Variants in CCDC39 observed in about 807,000 individuals in gnomAD.
CCDC39 encodes the protein coiled-coil domain 39 molecular ruler complex subunit.
Under a neutral mutation model 121.0 loss-of-function variants are expected in CCDC39, and 113 were observed. The ratio of observed to expected loss-of-function variants is 0.93; its 90% CI spans 0.80 to 1.09. CCDC39 has a LOEUF of 1.09. CCDC39 is among the 50% of genes least tolerant of loss of function. The pLI is 0.00. For synonymous variants in CCDC39, 349 were observed against 352.2 expected, an observed-to-expected ratio of 0.99 and a Z score of 0.10; for missense variants, 1,063 against 1,074.7, an observed-to-expected ratio of 0.99 and a Z score of 0.15.
intron 1 of CCDC39, among the ~76,000 whole-genome samples, chr3:180,667,263 C>T (rs1349966055): frequency 6.6e-6 from 1 of 152,106 alleles, no homozygotes; most frequent in Admixed American, 6.6e-5. Context: ...AAACAGTCTT[C>T]TTATGGAGAC....
intron 13 of CCDC39, among the ~76,000 whole-genome samples, chr3:180,640,070 A>G (rs768126680): frequency 6.6e-6 from 1 of 152,138 alleles, no homozygotes; most frequent in African/African-American, 2.4e-5. Flanking sequence ...ACATGGGGGA[A>G]GGACCGAAGG....
intron 14 of CCDC39, among the ~76,000 whole-genome samples, chr3:180,626,082 G>A (rs1445573584): frequency 6.6e-6 from 1 of 152,012 alleles, no homozygotes; most frequent in African/African-American, 2.4e-5. Context: ...GCAACTCACT[G>A]GAACCCAGAA....
At chr3:180,677,166 TTTTATATATATATATA>T (rs1426580370) in intron 1 of CCDC39, among the ~76,000 whole-genome samples, 13 of 40,918 alleles carry the variant, frequency 3.2e-4, no homozygotes, top group African/African-American at 1.5e-3. Flanking sequence ...ATAATAATAA[TTTTATATATATATATA>T]TATATATATA....
intron 11 of CCDC39, among the ~76,000 whole-genome samples, chr3:180,646,519 G>A (rs1198596070): frequency 6.6e-6 from 1 of 152,040 alleles, no homozygotes; most frequent in Non-Finnish European, 1.5e-5. Flanking sequence ...AGATGAAGAC[G>A]TTCTAACCTT....
At chr3:180,677,859 C>T (rs1245592252) in intron 1 of CCDC39, among the ~76,000 whole-genome samples, 1 of 152,112 alleles carries the variant, frequency 6.6e-6, no homozygotes, top group Non-Finnish European at 1.5e-5. Flanking sequence ...TCATACCCTT[C>T]TATTCTGTTT....
rs1389546787 is a variant in CCDC39 at position 180,660,624 on chromosome 3, A to G, written c.462T>C (p.Asp154=). Residue 154 remains aspartate, a synonymous_variant, in exon 4 of 20, where the codon GAT becomes GAC. Transcript: ENST00000476379. ...ACTTCTGGAGAGTGAGAGCATCACTATCTTTATGAGCTGATTCTTCTAACC... is the reference window on the plus strand; with the variant it reads ...ACTTCTGGAGAGTGAGAGCATCACTGTCTTTATGAGCTGATTCTTCTAACC... ...EAWLEESAHK[D]SDALTLQKYA... 4 of 1,602,292 alleles carry G rather than the reference A, an allele frequency of 2.5e-6. No homozygotes were observed. Among genetic ancestry groups the G allele is most frequent in the Admixed American group, 1.7e-5 (1 of 58,566 alleles).
intron 14 of CCDC39, among the ~76,000 whole-genome samples, chr3:180,621,165 A>G (rs1225897708): frequency 2.0e-5 from 3 of 152,074 alleles, no homozygotes; most frequent in South Asian, 2.1e-4. Context: ...CCAGTCATCC[A>G]TCAATGGACA....
At chr3:180,630,283 A>G (rs1717663792) in intron 14 of CCDC39, among the ~76,000 whole-genome samples, 1 of 152,148 alleles carries the variant, frequency 6.6e-6, no homozygotes, top group South Asian at 2.1e-4. Flanking sequence ...CTGAGAGGAG[A>G]AAAGTCCTGT....
In CCDC39 at chr3:180,615,167, A is replaced by C. The variant is rs11712658; in HGVS notation, c.2670-90T>G. ...TATTGGCAAAAGGTACCATAATTCC[A>C]TAAGTAAAGACATCAAAAAAGTACA... On this transcript the variant is annotated intron_variant, in intron 19 of 19. Coordinates refer to ENST00000476379, the MANE Select transcript of CCDC39 (RefSeq NM_181426.2). 1 of 937,958 alleles carries C rather than the reference A, an allele frequency of 1.1e-6. No homozygotes were observed. The highest frequency in any genetic ancestry group is 2.8e-5 in the East Asian group (1 of 35,096). The allele number at this position is 937,958 out of a possible 1,614,324, so 58.1% of individuals were successfully genotyped here.
Position 180,619,835 on chromosome 3 carries a change from A to G in CCDC39, c.2134T>C (p.Ser712Pro), listed in dbSNP as rs764529780. ...CTAGATGGAGTCACTTTTTTAAAAG[A>G]TTGCTTATAATTGTTGTTACAGCTG... is the stretch of plus-strand genomic sequence containing the variant. ...LNSCNNNYKQSFKKVTPSSDE... is the reference protein window; with the variant it reads ...LNSCNNNYKQPFKKVTPSSDE... The change falls in exon 15 of 20, where the codon TCT (serine) becomes CCT (proline). Residue 712 changes from serine to proline, a missense_variant. Transcript: ENST00000476379. 1.3e-6 allele frequency: 2 copies of G among 1,595,994 alleles called. No individual in the cohort carries two copies. The highest frequency in any genetic ancestry group is 1.7e-6 in the Non-Finnish European group (2 of 1,171,810).
At position 180,644,182 on chromosome 3, in the gene CCDC39, C is replaced by T; in HGVS notation, c.1603G>A (p.Glu535Lys). 1 of 1,545,138 alleles carries T rather than the reference C, an allele frequency of 6.5e-7. No homozygotes were observed. Among genetic ancestry groups the T allele is most frequent in the South Asian group, 1.2e-5 (1 of 82,764 alleles). Reference sequence around the variant, plus strand: ...GATCTGTCGATGAAAAGGTTTAGTTCATTTATTTTGGTCATAAGGGACTGT... The same window carrying T: ...GATCTGTCGATGAAAAGGTTTAGTTTATTTATTTTGGTCATAAGGGACTGT... The part of the protein sequence containing the change: ...EKQSLMTKIN[E>K]LNLFIDRSEK... Residue 535 changes from glutamate (E) to lysine (K), a missense_variant, in exon 12 of 20, where the codon GAA becomes AAA. Transcript: ENST00000476379.
At chr3:180,670,929 G>A (rs1712026977) in intron 1 of CCDC39, among the ~76,000 whole-genome samples, 2 of 151,912 alleles carry the variant, frequency 1.3e-5, no homozygotes, top group Non-Finnish European at 2.9e-5. Flanking sequence ...TCACCCCTTT[G>A]GGCTGGATGC....
At chr3:180,641,731 G>C (rs1717958750) in intron 13 of CCDC39, among the ~76,000 whole-genome samples, 1 of 152,000 alleles carries the variant, frequency 6.6e-6, no homozygotes, top group African/African-American at 2.4e-5. Context: ...CGTGTTATTG[G>C]ACTTTACCAC....
At chr3:180,654,245 G>GAA (rs1711533107) in intron 7 of CCDC39, among the ~76,000 whole-genome samples, 1 of 107,542 alleles carries the variant, frequency 9.3e-6, no homozygotes, top group African/African-American at 3.8e-5. Context: ...AAAAAAAAGA[G>GAA]AGAAAGAAAT....
At position 180,659,769 on chromosome 3, in the gene CCDC39, C is replaced by T; in HGVS notation, c.517G>A (p.Ala173Thr). The T allele has an allele frequency of 6.3e-7, 1 of 1,595,256 alleles. No individual in the cohort carries two copies. The highest frequency in any genetic ancestry group is 8.6e-7 in the Non-Finnish European group (1 of 1,165,668). ...AGTCTTTCTAATTGCAGAGTCAGTG[C>T]CTATGATGTAATTATATACAGATAC... ...YAQQDDNKIRALTLQLERLTL... is the reference protein window; with the variant it reads ...YAQQDDNKIRTLTLQLERLTL... The change falls in exon 5 of 20, where the codon GCA becomes ACA. Residue 173 changes from alanine to threonine, a missense_variant and splice_region_variant. Coordinates refer to ENST00000476379, the MANE Select transcript of CCDC39 (RefSeq NM_181426.2).
chr3:180,671,443 C>T (rs767615640), intron 1 of CCDC39, among the ~76,000 whole-genome samples: 16 of 152,150 alleles, frequency 1.1e-4, no homozygotes, highest in Non-Finnish European at 1.9e-4. Context: ...TGCATACTTC[C>T]ACTTCAATAA....
At position 180,619,798 on chromosome 3, in the gene CCDC39, A is replaced by G. The variant is rs1717382438; in HGVS notation, c.2158+13T>C. The G allele has an allele frequency of 1.3e-6, 2 of 1,510,704 alleles. No individual in the cohort carries two copies. The highest frequency in any genetic ancestry group is 1.3e-5 in the South Asian group (1 of 76,280). The allele number at this position is 1,510,704 out of a possible 1,614,324, so 93.6% of individuals were successfully genotyped here. A position where few individuals can be genotyped will look rare whatever the true frequency, so the allele number is the denominator to read the frequency against. Reference sequence around the variant, plus strand: ...CTGTATATATGTATAAAAAAAAGTTAACTCCTACATACTAGATGGAGTCAC... The same window carrying G: ...CTGTATATATGTATAAAAAAAAGTTGACTCCTACATACTAGATGGAGTCAC... On this transcript the variant is annotated intron_variant, in intron 15 of 19. Transcript: ENST00000476379.
At chr3:180,659,384 G>GA in intron 6 of CCDC39, 68 bp downstream of exon 6, 1 of 1,563,056 alleles carries the variant, frequency 6.4e-7, no homozygotes, top group Non-Finnish European at 8.7e-7. Flanking sequence ...TTTACATTTG[G>GA]AATAATGAGT....
At chr3:180,670,170 G>A (rs1030942135) in intron 1 of CCDC39, among the ~76,000 whole-genome samples, 1 of 151,882 alleles carries the variant, frequency 6.6e-6, no homozygotes, top group Non-Finnish European at 1.5e-5. Context: ...CCTTTTCTGG[G>A]AAATACACAT....
Sources: gnomAD v4.1 joint callset for allele counts (sites outside exome capture counted in the v4.1 genomes callset) on GRCh38, gnomAD v4.1.1 for gene constraint, MANE v1.5 for transcripts, NCBI Gene and HGNC (gene_info 2026-07-23, HGNC 2026-07-21) for gene names.